OSBPL9: variants seen among roughly 807,000 people sequenced by gnomAD.
OSBPL9 encodes oxysterol binding protein like 9, also known as oxysterol-binding protein-related protein 9.
In OSBPL9, 40 loss-of-function variants were observed where a neutral mutation model predicts 106.6. The observed-to-expected ratio is 0.38, with a 90% CI of 0.29 to 0.49. The LOEUF is 0.49. Among genes scored for constraint, OSBPL9 ranks in the 20% least tolerant of loss-of-function variants. The probability of loss-of-function intolerance (pLI) is 0.97; values close to 1 mark genes in which losing one functional copy is unlikely to be tolerated. For synonymous variants in OSBPL9, 269 were observed against 295.4 expected (o/e 0.91, Z 0.92); for missense variants, 609 against 887.2 (o/e 0.69, Z 3.98).
chr1:51,518,751 CCGGCCTGGCGGGCGAGCCTCGTG>C, the OSBPL9 span, among the ~76,000 whole-genome samples: 5 of 152,044 alleles, frequency 3.3e-5, no homozygotes, highest in African/African-American at 1.2e-4. Flanking sequence ...CGGCGCGCAG[CCGGCCTGGCGGGCGAGCCTCGTG>C]CGGCCCGGGG....
intron 11 of OSBPL9, among the ~76,000 whole-genome samples, chr1:51,763,898 C>T (rs921231103): frequency 2.0e-5 from 3 of 152,062 alleles, no homozygotes; most frequent in East Asian, 1.9e-4. Context: ...TTTGGAAATA[C>T]GTAAAACTAG....
chr1:51,750,002 C>T (rs1668904416), intron 7 of OSBPL9, 143 bp from the exon 8 acceptor site: 1 of 449,018 alleles, frequency 2.2e-6, no homozygotes, highest in African/African-American at 2.0e-5. Context: ...CATACTAGAA[C>T]CCACTAGATC....
chr1:51,633,602 TAAATAAAATAAAATA>T (rs140884503), intron 1 of OSBPL9, among the ~76,000 whole-genome samples: 5,343 of 149,490 alleles, frequency 0.036, 201 homozygotes, highest in Middle Eastern at 0.089. Flanking sequence ...AAAAATAAAG[TAAATAAAATAAAATA>T]AAATAAAATA....
intron 4 of OSBPL9, among the ~76,000 whole-genome samples, chr1:51,734,035 G>A (rs542673604): frequency 6.6e-6 from 1 of 152,170 alleles, no homozygotes; most frequent in East Asian, 1.9e-4. Flanking sequence ...TATCTCTATT[G>A]TCCTTAAAGA....
intron 3 of OSBPL9, among the ~76,000 whole-genome samples, chr1:51,693,377 T>TA (rs1394765877): frequency 1.4e-3 from 191 of 133,892 alleles, no homozygotes; most frequent in African/African-American, 1.5e-3. Flanking sequence ...AGACTGTCTT[T>TA]AAAAAAAAAA....
chr1:51,744,136 C>A (rs900608187), intron 4 of OSBPL9, among the ~76,000 whole-genome samples: 20 of 151,932 alleles, frequency 1.3e-4, no homozygotes, highest in African/African-American at 4.8e-4. Context: ...TTCCCATGGT[C>A]TTAATAGGAC....
chr1:51,657,225 A>AACAT (rs1225367169), intron 2 of OSBPL9, among the ~76,000 whole-genome samples: 1 of 152,210 alleles, frequency 6.6e-6, no homozygotes, highest in African/African-American at 2.4e-5. Context: ...ATTTATCTTA[A>AACAT]ACATAATGTG....
chr1:51,730,238 C>T (rs1664081551), intron 4 of OSBPL9: 1 of 1,063,324 alleles, frequency 9.4e-7, no homozygotes, highest in Non-Finnish European at 1.2e-6. Flanking sequence ...AGAGGGCATT[C>T]GCCCCCAAAT....
the OSBPL9 span, among the ~76,000 whole-genome samples, chr1:51,551,579 TTTATTTATTTAC>T: frequency 1.3e-5 from 2 of 152,048 alleles, no homozygotes; most frequent in East Asian, 1.9e-4. Flanking sequence ...TATTTATTTA[TTTATTTATTTAC>T]TTATTTATTT....
At chr1:51,705,410 T>A (rs1166624045) in intron 3 of OSBPL9, among the ~76,000 whole-genome samples, 102 of 101,518 alleles carry the variant, frequency 1.0e-3, no homozygotes, top group African/African-American at 1.2e-3. Context: ...TTTTTTTTTT[T>A]TTTTTTTTTT....
At chr1:51,661,453 C>T (rs1647145944) in intron 2 of OSBPL9, among the ~76,000 whole-genome samples, 1 of 152,170 alleles carries the variant, frequency 6.6e-6, no homozygotes, top group South Asian at 2.1e-4. Flanking sequence ...TCAGGAAATT[C>T]ATCCAGTGGG....
chr1:51,617,488 C>T (rs1378002958), intron 1 of OSBPL9, among the ~76,000 whole-genome samples: 2 of 152,048 alleles, frequency 1.3e-5, no homozygotes, highest in Non-Finnish European at 2.9e-5. Context: ...CGCTATTAAG[C>T]GGTAGTGGGG....
chr1:51,750,378 T>C (rs906523470), intron 8 of OSBPL9, among the ~76,000 whole-genome samples, 183 bp downstream of exon 8: 9 of 152,238 alleles, frequency 5.9e-5, no homozygotes, highest in African/African-American at 2.2e-4. Flanking sequence ...CTGTTTCTGG[T>C]AATGTCATTT....
At position 51,586,128 on chromosome 1, in the gene OSBPL9, C is replaced by T. The variant is rs112235543; in HGVS notation, c.-423+8872C>T. On this transcript the variant is annotated intron_variant, in intron 1 of 25. Transcript: ENST00000371714. ...GGCAGAGGTTGCAGTGAGCCGAGAT[C>T]GTGCCACTGCACTCCAGCCTGGGCA... Among the ~76,000 whole-genome samples, 470 of 151,652 alleles carry T rather than the reference C, an allele frequency of 3.1e-3. 1 individual carries two copies. Among genetic ancestry groups the T allele is most frequent in the South Asian group, 5.8e-3 (28 of 4,812 alleles).
At chr1:51,705,468 CA>C (rs1475407737) in intron 3 of OSBPL9, among the ~76,000 whole-genome samples, 1 of 116,552 alleles carries the variant, frequency 8.6e-6, no homozygotes, top group Non-Finnish European at 1.6e-5. Flanking sequence ...GGCTGGAGTG[CA>C]ATGGCGTGAT....
At chr1:51,640,674 G>A (rs1284007347) in intron 1 of OSBPL9, among the ~76,000 whole-genome samples, 3 of 152,152 alleles carry the variant, frequency 2.0e-5, no homozygotes, top group East Asian at 1.9e-4. Flanking sequence ...GGATGAGTAA[G>A]ATAACTGGGA....
At chr1:51,747,507 G>GTTTGCATA (rs1286800141) in intron 6 of OSBPL9, among the ~76,000 whole-genome samples, 5 of 118,902 alleles carry the variant, frequency 4.2e-5, no homozygotes, top group African/African-American at 1.6e-4. Flanking sequence ...CTACTTTGTA[G>GTTTGCATA]TTTGCATATT....
At chr1:51,611,267 T>A (rs1643986256) in intron 2 of OSBPL9, among the ~76,000 whole-genome samples, 1 of 150,630 alleles carries the variant, frequency 6.6e-6, no homozygotes, top group African/African-American at 2.4e-5. Context: ...AACAGGACTG[T>A]GAACAAAACA....
chr1:51,532,847 G>C, the OSBPL9 span, among the ~76,000 whole-genome samples: 1 of 152,152 alleles, frequency 6.6e-6, no homozygotes, highest in Non-Finnish European at 1.5e-5. Flanking sequence ...AGGATCACTG[G>C]ATTATAAGGC....
Sources: gnomAD v4.1 joint callset for allele counts (sites outside exome capture counted in the v4.1 genomes callset) on GRCh38, gnomAD v4.1.1 for gene constraint, MANE v1.5 for transcripts, NCBI Gene and HGNC (gene_info 2026-07-23, HGNC 2026-07-21) for gene names.